XKR4: variants seen among roughly 807,000 people sequenced by gnomAD.
XKR4 encodes XK related 4.
Under a neutral mutation model 53.9 loss-of-function variants are expected in XKR4, and 12 were observed. That is an observed-to-expected ratio of 0.22 (90% CI 0.14 to 0.36). XKR4 has a LOEUF of 0.36. Ranked by LOEUF, XKR4 falls within the 10% of genes least tolerant of loss-of-function variation. The pLI is 1.00. For missense variants in XKR4, 799 were observed against 859.5 expected, an observed-to-expected ratio of 0.93 and a Z score of 0.88; for synonymous variants, 354 against 362.4, an observed-to-expected ratio of 0.98 and a Z score of 0.26.
intron 2 of XKR4, among the ~76,000 whole-genome samples, chr8:55,518,906 G>GA (rs781381289): frequency 2.6e-5 from 4 of 152,122 alleles, no homozygotes; most frequent in Non-Finnish European, 5.9e-5. Flanking sequence ...AGAGGAGAGA[G>GA]AAAAAAATCA....
At chr8:55,316,245 C>T (rs771600844) in intron 1 of XKR4, among the ~76,000 whole-genome samples, 2 of 152,212 alleles carry the variant, frequency 1.3e-5, no homozygotes, top group Admixed American at 6.5e-5. Flanking sequence ...TGTTTCCTAC[C>T]AAAACACCAA....
intron 1 of XKR4, among the ~76,000 whole-genome samples, chr8:55,146,809 G>T (rs1217390396): frequency 6.6e-6 from 1 of 152,186 alleles, no homozygotes; most frequent in African/African-American, 2.4e-5. Flanking sequence ...GCAAATGAAA[G>T]GTGGGACTGG....
intron 2 of XKR4, chr8:55,449,734 G>C (rs1006363368): frequency 1.1e-5 from 10 of 937,664 alleles, no homozygotes; most frequent in Admixed American, 3.4e-5. Flanking sequence ...CACGGTGGTC[G>C]TAGTAGCGTA....
intron 1 of XKR4, among the ~76,000 whole-genome samples, chr8:55,343,664 T>C (rs997354943): frequency 1.3e-5 from 2 of 152,118 alleles, no homozygotes; most frequent in African/African-American, 4.8e-5. Flanking sequence ...AGAAGGGGCA[T>C]TGCTGCTTTC....
At chr8:55,269,828 T>G (rs898993530) in intron 1 of XKR4, among the ~76,000 whole-genome samples, 1 of 152,202 alleles carries the variant, frequency 6.6e-6, no homozygotes, top group African/African-American at 2.4e-5. Context: ...TTTTTCATGT[T>G]AATAATGGCA....
chr8:55,115,058 C>G (rs909726246), intron 1 of XKR4, among the ~76,000 whole-genome samples: 1 of 152,182 alleles, frequency 6.6e-6, no homozygotes, highest in Non-Finnish European at 1.5e-5. Flanking sequence ...CTGTCAGCAT[C>G]TCTTGGAAGC....
intron 2 of XKR4, among the ~76,000 whole-genome samples, chr8:55,442,985 G>A (rs1453289095): frequency 2.0e-5 from 3 of 152,130 alleles, no homozygotes; most frequent in Non-Finnish European, 4.4e-5. Flanking sequence ...AAGCCTAAAT[G>A]TTCCATAATC....
intron 1 of XKR4, among the ~76,000 whole-genome samples, chr8:55,137,366 A>G (rs974750126): frequency 3.3e-5 from 5 of 152,184 alleles, no homozygotes; most frequent in Non-Finnish European, 7.3e-5. Context: ...TTACCAGTCA[A>G]TTATTATATA....
chr8:55,144,643 A>G (rs921123628), intron 1 of XKR4, among the ~76,000 whole-genome samples: 2 of 152,010 alleles, frequency 1.3e-5, no homozygotes, highest in Admixed American at 1.3e-4. Context: ...TAAGTCATAG[A>G]CAAAACAAAA....
At chr8:55,313,155 T>C (rs1488347398) in intron 1 of XKR4, among the ~76,000 whole-genome samples, 1 of 152,298 alleles carries the variant, frequency 6.6e-6, no homozygotes, top group East Asian at 1.9e-4. Flanking sequence ...CATTTCCCAG[T>C]CTGTTAGTGC....
rs1181771298 is a variant in XKR4, at chr8:55,537,119, A to G, written c.*12892A>G. 1 of 152,248 alleles carries G rather than the reference A, an allele frequency of 6.6e-6. No homozygotes were observed. The highest frequency in any genetic ancestry group is 1.5e-5 in the Non-Finnish European group (1 of 68,042). 9.4% of individuals were successfully genotyped at this position (152,248 alleles called of 1,614,324 possible). ...TCCCAAAACAAACAAAATACCATAC[A>G]TAGTTTTTTGGGTTTGGTTTGTTGA... On this transcript the variant is annotated 3_prime_UTR_variant, in exon 3 of 3. Transcript: ENST00000327381.
chr8:55,479,042 A>T (rs1806054634), intron 2 of XKR4, among the ~76,000 whole-genome samples: 1 of 152,148 alleles, frequency 6.6e-6, no homozygotes, highest in South Asian at 2.1e-4. Context: ...GCTCTGCACC[A>T]CGCGGACCTA....
At chr8:55,460,704 A>G (rs1446315358) in intron 2 of XKR4, among the ~76,000 whole-genome samples, 2 of 152,190 alleles carry the variant, frequency 1.3e-5, no homozygotes, top group Non-Finnish European at 2.9e-5. Context: ...CGGGAAGCAC[A>G]AGGGGTCAGG....
chr8:55,213,946 C>T (rs1321249198), intron 1 of XKR4, among the ~76,000 whole-genome samples: 3 of 145,018 alleles, frequency 2.1e-5, no homozygotes, highest in Non-Finnish European at 4.5e-5. Context: ...ACTGCAAGCT[C>T]CGCCTCCCGG....
At chr8:55,516,675 G>C (rs1806718911) in intron 2 of XKR4, among the ~76,000 whole-genome samples, 1 of 152,204 alleles carries the variant, frequency 6.6e-6, no homozygotes, top group Non-Finnish European at 1.5e-5. Flanking sequence ...CTGTTGGTGG[G>C]AATGTAAATC....
intron 2 of XKR4, among the ~76,000 whole-genome samples, chr8:55,474,067 A>G (rs1022140732): frequency 6.6e-6 from 1 of 151,940 alleles, no homozygotes; most frequent in Non-Finnish European, 1.5e-5. Context: ...ACCACACCCA[A>G]CTGATTTTAT....
chr8:55,327,038 G>A (rs944432053), intron 1 of XKR4, among the ~76,000 whole-genome samples: 2 of 152,064 alleles, frequency 1.3e-5, no homozygotes, highest in Non-Finnish European at 2.9e-5. Context: ...AGCCTCAAGA[G>A]CAGAAACACA....
intron 1 of XKR4, among the ~76,000 whole-genome samples, chr8:55,335,852 A>G (rs557113382): frequency 2.6e-5 from 4 of 152,292 alleles, no homozygotes; most frequent in African/African-American, 2.4e-5. Flanking sequence ...TTCCATTTAT[A>G]TAACATTCTT....
intron 2 of XKR4, among the ~76,000 whole-genome samples, chr8:55,459,949 T>A (rs1171610953): frequency 6.6e-6 from 1 of 151,498 alleles, no homozygotes; most frequent in Non-Finnish European, 1.5e-5. Context: ...AAATGAAATA[T>A]GTCTACACAC....
Sources: allele counts gnomAD v4.1 joint callset (sites outside exome capture counted in the v4.1 genomes callset), GRCh38; gene constraint gnomAD v4.1.1; transcripts MANE v1.5; gene names NCBI Gene and HGNC (gene_info 2026-07-23, HGNC 2026-07-21).